RPL3L: variants seen among roughly 807,000 people sequenced by gnomAD.
RPL3L encodes ribosomal protein L3 like, also known as ribosomal protein uL3-like.
Under a neutral mutation model 44.5 loss-of-function variants are expected in RPL3L, and 44 were observed. The observed-to-expected ratio is 0.99, with a 90% CI of 0.78 to 1.27. RPL3L has a LOEUF of 1.27. Ranked by LOEUF, RPL3L falls within the 50% of genes most tolerant of loss-of-function variation. The pLI is 0.00. For missense variants in RPL3L, 631 were observed against 569.1 expected, an observed-to-expected ratio of 1.11 and a Z score of -1.11; for synonymous variants, 292 against 230.7, an observed-to-expected ratio of 1.27 and a Z score of -2.41.
At chr16:1,954,432 C>T (rs1020665357) in intron 1 of RPL3L, among the ~76,000 whole-genome samples, 197 bp downstream of exon 1, 5 of 152,056 alleles carry the variant, frequency 3.3e-5, no homozygotes, top group African/African-American at 4.8e-5. Context: ...GGCAGGTGGC[C>T]GCTGCCATCT....
chr16:1,950,178 T>C (rs2083162528), intron 4 of RPL3L, among the ~76,000 whole-genome samples: 1 of 144,002 alleles, frequency 6.9e-6, no homozygotes, highest in Non-Finnish European at 1.5e-5. Flanking sequence ...ATGGGGTGGG[T>C]ATGTATGGGG....
At position 1,954,622 on chromosome 16, in the gene RPL3L, C is replaced by G; in HGVS notation, c.3+7G>C. On this transcript the variant is annotated splice_region_variant and intron_variant, in intron 1 of 9. Transcript: ENST00000268661. Reference sequence around the variant, plus strand: ...CCCCAGCCCACCCTCACCCTGGTCCCACCAACCATGGTGGCCGATCCCTGA... The same window carrying G: ...CCCCAGCCCACCCTCACCCTGGTCCGACCAACCATGGTGGCCGATCCCTGA... The G allele has an allele frequency of 2.6e-6, 4 of 1,548,686 alleles. No individual in the cohort carries two copies. Among genetic ancestry groups the G allele is most frequent in the Non-Finnish European group, 1.7e-6 (2 of 1,149,670 alleles).
intron 3 of RPL3L, 55 bp downstream of exon 3, chr16:1,952,819 C>G: frequency 6.3e-7 from 1 of 1,599,252 alleles, no homozygotes; most frequent in Admixed American, 1.7e-5. Flanking sequence ...CCTCAGGCAC[C>G]CAACTTCTGT....
chr16:1,950,044 A>G (rs1164387553), intron 4 of RPL3L, among the ~76,000 whole-genome samples: 4 of 121,402 alleles, frequency 3.3e-5, no homozygotes, highest in African/African-American at 1.4e-4. Context: ...CGGGGCAGGT[A>G]TAGACAGAGC....
intron 9 of RPL3L, among the ~76,000 whole-genome samples, chr16:1,945,096 C>G (rs1380015233): frequency 1.3e-5 from 2 of 152,050 alleles, no homozygotes; most frequent in Non-Finnish European, 2.9e-5. Context: ...TGGCTCATGT[C>G]TGTAATCCCA....
chr16:1,945,644 A>C (rs926224713), intron 8 of RPL3L, 26 bp from the exon 9 acceptor site: 1 of 1,613,298 alleles, frequency 6.2e-7, no homozygotes, highest in Non-Finnish European at 8.5e-7. Flanking sequence ...TAAAGTAAAC[A>C]TCAAGTGTGG....
In RPL3L at chr16:1,953,968, G is replaced by A. The variant is rs369382555; in HGVS notation, c.184C>T (p.Arg62Trp). 52 of 1,538,944 alleles carry A rather than the reference G, an allele frequency of 3.4e-5. No homozygotes were observed. Among genetic ancestry groups the A allele is most frequent in the Middle Eastern group, 3.5e-4 (2 of 5,728 alleles). The change falls in exon 2 of 10, where the codon CGG (arginine) becomes TGG (tryptophan). Residue 62 changes from arginine to tryptophan, a missense_variant. Arg to Trp is a moderately radical substitution (Grantham distance 101, BLOSUM62 -3). Transcript: ENST00000268661. Reference protein sequence around the residue: ...GMTHTLREVHRPGLKISKREE... With the variant: ...GMTHTLREVHWPGLKISKREE... Reference sequence around the variant, plus strand: ...AACTGTGACTCACTGAGCCCCGGCCGGTGCACCTCCCGCAGGGTGTGGGTC... The same window carrying A: ...AACTGTGACTCACTGAGCCCCGGCCAGTGCACCTCCCGCAGGGTGTGGGTC...
At chr16:1,947,467 G>A (rs1023673502) in intron 4 of RPL3L, 87 bp from the exon 5 acceptor site, 194 of 1,384,210 alleles carry the variant, frequency 1.4e-4, no homozygotes, top group Middle Eastern at 1.8e-4. Context: ...GACCCCTGCC[G>A]CCTTCCACGC....
chr16:1,951,074 G>A lies in RPL3L; in HGVS notation c.366-95C>T. 4.6e-6 allele frequency: 7 copies of A among 1,509,522 alleles called. No individual in the cohort carries two copies. In the South Asian group the frequency reaches 8.8e-5, roughly 19 times the overall value. 93.5% of individuals were successfully genotyped at this position (1,509,522 alleles called of 1,614,324 possible). On this transcript the variant is annotated intron_variant, in intron 3 of 9. Transcript: ENST00000268661. ...ACCTCACCCCCAGCCCACCAAGCAG[G>A]GGTCCTACCTCTGGGACCGCCCCCC...
chr16:1,951,815 C>T (rs1310140414), intron 3 of RPL3L, among the ~76,000 whole-genome samples: 2 of 150,398 alleles, frequency 1.3e-5, no homozygotes, highest in Non-Finnish European at 3.0e-5. Flanking sequence ...TCAGGACTTA[C>T]TGCCAGGGAA....
chr16:1,947,292 GC>G lies in RPL3L; in HGVS notation c.589del (p.Ala197ProfsTer103), dbSNP rs2083130614. On this transcript the variant is annotated frameshift_variant, in exon 5 of 10. Transcript: ENST00000268661. LOFTEE classifies it high-confidence loss of function. Reference protein sequence around the residue: ...GGTVAEKVAWAQARLEKQVPV... With the variant: ...GGTVAEKVAWXQARLEKQVPV... ...CACCTGCTTCTCCAGCCGGGCCTGGGCCCAGGCCACCTTCTCGGCCACCGTG... is the reference window on the plus strand; with the variant it reads ...CACCTGCTTCTCCAGCCGGGCCTGGGCCAGGCCACCTTCTCGGCCACCGTG... 1.9e-6 allele frequency: 3 copies of G among 1,612,992 alleles called. No individual in the cohort carries two copies. The highest frequency in any genetic ancestry group is 4.5e-5 in the East Asian group (2 of 44,856).
intron 3 of RPL3L, 126 bp from the exon 4 acceptor site, chr16:1,951,105 G>C (rs74002747): frequency 0.042 from 54,074 of 1,280,152 alleles, 1,400 homozygotes; most frequent in African/African-American, 0.1. Flanking sequence ...CCCCCACCCG[G>C]AGGCCTCTGA....
At chr16:1,947,410 G>A (rs141895087) in intron 4 of RPL3L, 30 bp from the exon 5 acceptor site, 23,229 of 1,511,668 alleles carry the variant, frequency 0.015, 224 homozygotes, top group Middle Eastern at 0.025. Context: ...GTCACGCCAC[G>A]GCCCACGGGA....
rs763702694 is a variant in RPL3L, at chr16:1,947,357, C to T, written c.525G>A (p.Gln175=). The T allele has an allele frequency of 6.3e-7, 1 of 1,595,278 alleles. No homozygotes were observed. The highest frequency in any genetic ancestry group is 8.5e-7 in the Non-Finnish European group (1 of 1,171,482). Residue 175 remains glutamine, a synonymous_variant, in exon 5 of 10, where the codon CAG becomes CAA. Coordinates refer to ENST00000268661, the MANE Select transcript of RPL3L (RefSeq NM_005061.3). ...HTQMKLLPFR[Q]KKAHIMEIQL... ...GGATCTCCATGATGTGGGCCTTCTT[C>T]TGCCGGAAGGGCAGCAGTTTCATCT...
Position 1,954,109 on chromosome 16 carries a change from C to A in RPL3L, c.43G>T (p.Gly15Cys). The change falls in exon 2 of 10, where the codon GGC (glycine) becomes TGC (cysteine). Residue 15 changes from glycine to cysteine, a missense_variant. Physicochemically the swap from Gly to Cys is radical, Grantham distance 159. Coordinates refer to ENST00000268661, the MANE Select transcript of RPL3L (RefSeq NM_005061.3). ...KFSAPRHGHL[G>C]FLPHKRSHRH... ...TGGCTCCTCTTATGGGGCAGGAAGC[C>A]CAGGTGTCCGTGCCGAGGGGCGGAA... is the stretch of plus-strand genomic sequence containing the variant. 1 of 1,600,978 alleles carries A rather than the reference C, an allele frequency of 6.2e-7. No homozygotes were observed. The highest frequency in any genetic ancestry group is 8.5e-7 in the Non-Finnish European group (1 of 1,174,642).
At position 1,953,047 on chromosome 16, in the gene RPL3L, A is replaced by G. The variant is rs2083182546; in HGVS notation, c.197-5T>C. 1 of 1,588,448 alleles carries G rather than the reference A, an allele frequency of 6.3e-7. No homozygotes were observed. Among genetic ancestry groups the G allele is most frequent in the Admixed American group, 1.7e-5 (1 of 57,364 alleles). On this transcript the variant is annotated splice_region_variant and splice_polypyrimidine_tract_variant and intron_variant, in intron 2 of 9. Coordinates refer to ENST00000268661, the MANE Select transcript of RPL3L (RefSeq NM_005061.3). ...CCTCCTCCCGTTTGGAAATTTCTGG[A>G]TGAGACACAGGGATGGGGCATGAAG...
intron 9 of RPL3L, among the ~76,000 whole-genome samples, chr16:1,945,208 AGCCTG>A (rs1417301449): frequency 1.3e-5 from 2 of 152,126 alleles, no homozygotes; most frequent in East Asian, 3.9e-4. Context: ...ACAGAAAATT[AGCCTG>A]GCGTGGTGGC....
At chr16:1,946,878 C>G in intron 6 of RPL3L, 60 bp downstream of exon 6, 1 of 1,566,240 alleles carries the variant, frequency 6.4e-7, no homozygotes, top group Non-Finnish European at 8.6e-7. Context: ...CCCACTGAGG[C>G]CAGTACTGAG....
rs769032020 is a variant in RPL3L, at chr16:1,947,254, C to G, written c.628G>C (p.Val210Leu). The G allele has an allele frequency of 9.9e-6, 16 of 1,613,472 alleles. No homozygotes were observed. The highest frequency in any genetic ancestry group is 1.3e-5 in the African/African-American group (1 of 74,954). Residue 210 changes from valine to leucine, a missense_variant, in exon 5 of 10, where the codon GTG becomes CTG. By Grantham distance (32) the Val-to-Leu change is conservative. Transcript: ENST00000268661. Reference sequence around the variant, plus strand: ...TCAATGACCTCACTCTGGCTGAACACGCTGTGCACGGGCACCTGCTTCTCC... The same window carrying G: ...TCAATGACCTCACTCTGGCTGAACAGGCTGTGCACGGGCACCTGCTTCTCC... ...RLEKQVPVHS[V>L]FSQSEVIDVI...
Sources: allele counts gnomAD v4.1 joint callset (sites outside exome capture counted in the v4.1 genomes callset), GRCh38; gene constraint gnomAD v4.1.1; transcripts MANE v1.5; gene names NCBI Gene and HGNC (gene_info 2026-07-23, HGNC 2026-07-21).